MCUB: variants seen among roughly 807,000 people sequenced by gnomAD.
MCUB encodes the protein calcium uniporter regulatory subunit MCUb, mitochondrial.
MCUB carries 46 observed loss-of-function variants against 41.4 expected under a neutral mutation model. The ratio of observed to expected loss-of-function variants is 1.11; its 90% confidence interval spans 0.88 to 1.42. MCUB has a LOEUF of 1.42. MCUB is among the 40% of genes most tolerant of loss of function. The pLI is 0.00. For synonymous variants in MCUB, 148 were observed against 148.2 expected, an observed-to-expected ratio of 1.00 and a Z score of 0.01; for missense variants, 403 against 404.9, an observed-to-expected ratio of 1.00 and a Z score of 0.04.
chr4:109,683,418 GT>G (rs1167748594), intron 5 of MCUB, among the ~76,000 whole-genome samples: 4 of 151,754 alleles, frequency 2.6e-5, no homozygotes, highest in Non-Finnish European at 4.4e-5. Context: ...GACTTGTTTG[GT>G]TTTTTTTATC....
intron 1 of MCUB, among the ~76,000 whole-genome samples, chr4:109,562,260 T>C (rs1001408018): frequency 6.6e-6 from 1 of 152,202 alleles, no homozygotes; most frequent in Non-Finnish European, 1.5e-5. Flanking sequence ...TTAGGCCTAA[T>C]AACAGGGAAA....
intron 4 of MCUB, among the ~76,000 whole-genome samples, chr4:109,666,236 A>G (rs1249820451): frequency 6.6e-6 from 1 of 152,206 alleles, no homozygotes; most frequent in African/African-American, 2.4e-5. Flanking sequence ...AGTTTTGGCA[A>G]TTATGAATGG....
intron 1 of MCUB, among the ~76,000 whole-genome samples, chr4:109,563,465 G>A (rs1445691477): frequency 2.0e-5 from 3 of 152,034 alleles, no homozygotes; most frequent in African/African-American, 7.2e-5. Context: ...TCTTGTATTT[G>A]CAGTTGGTAC....
chr4:109,651,433 T>C (rs1728957567), intron 1 of MCUB, among the ~76,000 whole-genome samples: 1 of 152,186 alleles, frequency 6.6e-6, no homozygotes, highest in African/African-American at 2.4e-5. Flanking sequence ...TAGGTAAGCA[T>C]AGTATCTGGT....
chr4:109,681,254 T>C (rs1268350057), intron 4 of MCUB, among the ~76,000 whole-genome samples: 1 of 152,094 alleles, frequency 6.6e-6, no homozygotes, highest in East Asian at 1.9e-4. Flanking sequence ...TTTAGAGTTG[T>C]GACAAGTCAA....
intron 3 of MCUB, among the ~76,000 whole-genome samples, chr4:109,663,940 C>G (rs530041961): frequency 6.6e-6 from 1 of 152,054 alleles, no homozygotes; most frequent in Admixed American, 6.5e-5. Flanking sequence ...AAAACTGTCA[C>G]CTGCCACTGC....
intron 1 of MCUB, among the ~76,000 whole-genome samples, chr4:109,653,423 A>G (rs1729008397): frequency 6.6e-6 from 1 of 151,844 alleles, no homozygotes; most frequent in Non-Finnish European, 1.5e-5. Context: ...TTTCCAGAAT[A>G]GTTTTACCAT....
At chr4:109,642,375 G>A (rs1199345746) in intron 1 of MCUB, among the ~76,000 whole-genome samples, 1 of 152,164 alleles carries the variant, frequency 6.6e-6, no homozygotes, top group South Asian at 2.1e-4. Context: ...TATTATTTTC[G>A]AAAGCCTCAT....
rs755161013 is a variant in MCUB at position 109,685,375 on chromosome 4, A to G, written c.933+8A>G. On this transcript the variant is annotated splice_region_variant and intron_variant, in intron 7 of 7. Coordinates refer to ENST00000394650, the MANE Select transcript of MCUB (RefSeq NM_017918.5). ...AAAGAAGACCTTGCTAAGGTATACT[A>G]CAAATACATCTTATAGCTGGTTTGT... 1 of 1,166,922 alleles carries G rather than the reference A, an allele frequency of 8.6e-7. No individual in the cohort carries two copies. Among genetic ancestry groups the G allele is most frequent in the Non-Finnish European group, 1.3e-6 (1 of 773,642 alleles). The allele number at this position is 1,166,922 out of a possible 1,614,324, so 72.3% of individuals were successfully genotyped here.
chr4:109,611,136 T>A (rs1264179330), intron 1 of MCUB, among the ~76,000 whole-genome samples: 1 of 152,222 alleles, frequency 6.6e-6, no homozygotes, highest in African/African-American at 2.4e-5. Flanking sequence ...CCATTTGGAA[T>A]GTAAATATGA....
rs1006242673 is a variant in MCUB at position 109,591,311 on chromosome 4, G to A, written c.99+30875G>A. On this transcript the variant is annotated intron_variant, in intron 1 of 7. Coordinates refer to ENST00000394650, the MANE Select transcript of MCUB (RefSeq NM_017918.5). The stretch of plus-strand genomic sequence containing the variant: ...AGTGATTCTCATGACTCAGCCTCCC[G>A]AGTAGCTGGGACTACAGGTGTGCGC... Among the ~76,000 whole-genome samples, 11 of 151,152 alleles carry A rather than the reference G, an allele frequency of 7.3e-5. 1 individual carries two copies. In the South Asian group the frequency reaches 2.1e-3, roughly 29 times the overall value.
intron 3 of MCUB, among the ~76,000 whole-genome samples, chr4:109,661,681 A>T (rs368943202): frequency 1.3e-5 from 2 of 152,158 alleles, no homozygotes; most frequent in African/African-American, 4.8e-5. Context: ...GGTGGGCTTG[A>T]TAAGATTACA....
chr4:109,682,663 A>G lies in MCUB; in HGVS notation c.533A>G (p.Glu178Gly). The change falls in exon 5 of 8, where the codon GAA (glutamate) becomes GGA (glycine). Residue 178 changes from glutamate (E) to glycine (G), a missense_variant. Coordinates refer to ENST00000394650, the MANE Select transcript of MCUB (RefSeq NM_017918.5). ...VHRLFTILHLEESQKKREHHL... is the reference protein window; with the variant it reads ...VHRLFTILHLGESQKKREHHL... ...AGACTATTTACAATCTTGCATTTAG[A>G]AGAGTCTCAGAAAAAGAGAGAGCAC... The G allele has an allele frequency of 6.2e-7, 1 of 1,613,304 alleles. No individual in the cohort carries two copies. The highest frequency in any genetic ancestry group is 8.5e-7 in the Non-Finnish European group (1 of 1,179,228).
intron 1 of MCUB, among the ~76,000 whole-genome samples, chr4:109,636,664 A>G (rs6533443): frequency 1 from 151,964 of 152,198 alleles, 75,865 homozygotes; most frequent in East Asian, 1. Flanking sequence ...GCAAAACCCC[A>G]TCTTTACTAA....
At chr4:109,562,561 T>G (rs1726666547) in intron 1 of MCUB, among the ~76,000 whole-genome samples, 2 of 152,240 alleles carry the variant, frequency 1.3e-5, no homozygotes, top group Non-Finnish European at 2.9e-5. Flanking sequence ...TTCCCACTTG[T>G]TATGAAATAT....
intron 1 of MCUB, among the ~76,000 whole-genome samples, chr4:109,599,098 A>G (rs1727665112): frequency 6.6e-6 from 1 of 152,252 alleles, no homozygotes; most frequent in Non-Finnish European, 1.5e-5. Flanking sequence ...GGTCTTCTCA[A>G]CAATGGATAT....
intron 1 of MCUB, among the ~76,000 whole-genome samples, chr4:109,605,786 CCTT>C (rs1410228117): frequency 6.6e-6 from 1 of 152,022 alleles, no homozygotes; most frequent in Non-Finnish European, 1.5e-5. Flanking sequence ...AGGGTAATGA[CCTT>C]CTTGTCTCTT....
chr4:109,597,335 A>G (rs1446728206), intron 1 of MCUB, among the ~76,000 whole-genome samples: 12 of 125,890 alleles, frequency 9.5e-5, no homozygotes, highest in Middle Eastern at 4.4e-3. Context: ...CTCACCTCCC[A>G]GACGGGGCGG....
chr4:109,579,662 C>T (rs190043820), intron 1 of MCUB, among the ~76,000 whole-genome samples: 2 of 151,916 alleles, frequency 1.3e-5, no homozygotes, highest in African/African-American at 4.8e-5. Context: ...ATGAATGTAT[C>T]GAGGAAGGGA....
Sources: gnomAD v4.1 joint callset for allele counts (sites outside exome capture counted in the v4.1 genomes callset) on GRCh38, gnomAD v4.1.1 for gene constraint, MANE v1.5 for transcripts, NCBI Gene and HGNC (gene_info 2026-07-23, HGNC 2026-07-21) for gene names.